ARAP1: variants seen among roughly 807,000 people sequenced by gnomAD.
The protein encoded by ARAP1 is ArfGAP with RhoGAP domain, ankyrin repeat and PH domain 1.
A neutral mutation model predicts 172.2 loss-of-function variants in ARAP1; 76 were observed. That is an observed-to-expected ratio of 0.44 (90% confidence interval 0.37 to 0.53). The LOEUF is 0.53. Ranked by LOEUF, ARAP1 falls within the 20% of genes least tolerant of loss-of-function variation. The pLI is 0.00. For missense variants in ARAP1, 1,686 were observed against 1,977.5 expected (o/e 0.85, Z 2.80); for synonymous variants, 804 against 803.3 (o/e 1.00, Z -0.01).
At chr11:72,712,969 G>A in intron 5 of ARAP1, 3 of 623,012 alleles carry the variant, frequency 4.8e-6, no homozygotes, top group East Asian at 2.8e-5. Context: ...GCCTGGGGGA[G>A]CCACACCAGA....
chr11:72,695,786 C>T lies in ARAP1; in HGVS notation c.3352G>A (p.Asp1118Asn), dbSNP rs1856162153. 6.2e-7 allele frequency: 1 copy of T among 1,614,212 alleles called. No individual in the cohort carries two copies. Among genetic ancestry groups the T allele is most frequent in the Non-Finnish European group, 8.5e-7 (1 of 1,180,030 alleles). ...IVFGPTLFQT[D>N]GQDYKAGRVV... ...CGGCCAGCCTTGTAGTCCTGCCCAT[C>T]TGTCTGGAAGAGCGTGGGCCCAAAC... The change falls in exon 24 of 35, where the codon GAT becomes AAT. Residue 1118 changes from aspartate to asparagine, a missense_variant. Transcript: ENST00000393609. This position sits in a 1 kb window ranked among gnomAD's most constrained non-coding sequence, Gnocchi z 4.4.
chr11:72,685,685 C>T lies in ARAP1; in HGVS notation c.4336-4G>A. On this transcript the variant is annotated splice_polypyrimidine_tract_variant and splice_region_variant and intron_variant, in intron 34 of 34. Coordinates refer to ENST00000393609, the MANE Select transcript of ARAP1 (RefSeq NM_001040118.3). Reference sequence around the variant, plus strand: ...GTGCTCAGACGTTGCGCAGAAGCTGCAGGAAGGCAAGAGACCCACAGGTAT... The same window carrying T: ...GTGCTCAGACGTTGCGCAGAAGCTGTAGGAAGGCAAGAGACCCACAGGTAT... The T allele has an allele frequency of 6.2e-7, 1 of 1,614,012 alleles. No homozygotes were observed. Among genetic ancestry groups the T allele is most frequent in the African/African-American group, 1.3e-5 (1 of 75,040 alleles).
In ARAP1 at chr11:72,698,039, T is replaced by C. The variant is rs536371268; in HGVS notation, c.2609A>G (p.Tyr870Cys). The C allele has an allele frequency of 2.5e-6, 4 of 1,608,620 alleles. No individual in the cohort carries two copies. The highest frequency in any genetic ancestry group is 1.3e-5 in the African/African-American group (1 of 74,968). Reference protein sequence around the residue: ...RDFERLGRLPYKAGLSLQRAQ... With the variant: ...RDFERLGRLPCKAGLSLQRAQ... ...CCGCTGTAGGCTCAGGCCAGCTTTG[T>C]AGGGTAGGCGTCCCAGCCGCTCAAA... The change falls in exon 19 of 35, where the codon TAC becomes TGC. Residue 870 changes from tyrosine (Y) to cysteine (C), a missense_variant. Physicochemically the swap from Tyr to Cys is radical, Grantham distance 194 (BLOSUM62 -2). Coordinates refer to ENST00000393609, the MANE Select transcript of ARAP1 (RefSeq NM_001040118.3).
chr11:72,701,857 C>A, intron 15 of ARAP1, 74 bp from the exon 16 acceptor site: 1 of 1,555,844 alleles, frequency 6.4e-7, no homozygotes, highest in Admixed American at 1.8e-5. Flanking sequence ...TCCCACCTGG[C>A]CTGGGCATTC....
chr11:72,721,709 A>G, intron 3 of ARAP1: 1 of 773,358 alleles, frequency 1.3e-6, no homozygotes, highest in Non-Finnish European at 1.6e-6. Context: ...ATAAGACAAA[A>G]CTCTAAGAGA....
Position 72,709,886 on chromosome 11 carries a change from G to C in ARAP1, c.1507C>G (p.Pro503Ala). The change falls in exon 11 of 35, where the codon CCC becomes GCC. Residue 503 changes from proline (P) to alanine (A), a missense_variant. Physicochemically the swap from Pro to Ala is conservative, Grantham distance 27 (BLOSUM62 -1). This residue lies in a region of ARAP1 where 688 missense variants were observed against 856.9 expected (regional missense o/e 0.80). Coordinates refer to ENST00000393609, the MANE Select transcript of ARAP1 (RefSeq NM_001040118.3). Reference sequence around the variant, plus strand: ...GAGGGTCACCTGAAGATGCGGTAGGGCGTGGTGAGGTCGAAGCTGCGCCGG... The same window carrying C: ...GAGGGTCACCTGAAGATGCGGTAGGCCGTGGTGAGGTCGAAGCTGCGCCGG... ...VDRRSFDLTT[P>A]YRIFSFSADS... is the part of the protein sequence containing the mutation. 6.2e-7 allele frequency: 1 copy of C among 1,614,168 alleles called. No individual in the cohort carries two copies. The highest frequency in any genetic ancestry group is 1.3e-5 in the African/African-American group (1 of 75,034).
rs567327592 is a variant in ARAP1 at position 72,701,654 on chromosome 11, C to T, written c.2297G>A (p.Arg766Gln). 28 of 1,612,712 alleles carry T rather than the reference C, an allele frequency of 1.7e-5. No homozygotes were observed. The East Asian group carries it at 2.7e-4, about 15-fold the overall frequency. The change falls in exon 16 of 35, where the codon CGG (arginine) becomes CAG (glutamine). Residue 766 changes from arginine (R) to glutamine (Q), a missense_variant. Physicochemically the swap from Arg to Gln is conservative, Grantham distance 43 (BLOSUM62 1). Coordinates refer to ENST00000393609, the MANE Select transcript of ARAP1 (RefSeq NM_001040118.3). ...AGKLLQDRRA[R>Q]EEFSRRWCVL... Reference sequence around the variant, plus strand: ...GAGTCTGGGGTGGCACCCACCTTCCCGGGCCCGGCGGTCCTGTAGCAGCTT... The same window carrying T: ...GAGTCTGGGGTGGCACCCACCTTCCTGGGCCCGGCGGTCCTGTAGCAGCTT...
rs79962126 is a variant in ARAP1, at chr11:72,709,887, C to T, written c.1506G>A (p.Thr502=). 1,893 of 1,614,066 alleles carry T rather than the reference C, an allele frequency of 1.2e-3. 48 individuals carry two copies. In the East Asian group the frequency reaches 0.031, roughly 26 times the overall value. The change falls in exon 11 of 35, where the codon ACG becomes ACA. Residue 502 remains threonine (T), a synonymous_variant. Transcript: ENST00000393609. ...EVDRRSFDLT[T]PYRIFSFSAD... ...AGGGTCACCTGAAGATGCGGTAGGGCGTGGTGAGGTCGAAGCTGCGCCGGT... is the reference window on the plus strand; with the variant it reads ...AGGGTCACCTGAAGATGCGGTAGGGTGTGGTGAGGTCGAAGCTGCGCCGGT...
chr11:72,695,229 T>A lies in ARAP1; in HGVS notation c.3577-132A>T. 2 of 1,329,314 alleles carry A rather than the reference T, an allele frequency of 1.5e-6. No individual in the cohort carries two copies. The highest frequency in any genetic ancestry group is 2.6e-5 in the South Asian group (2 of 78,352). The allele number at this position is 1,329,314 out of a possible 1,614,324, so 82.3% of individuals were successfully genotyped here. A position where few individuals can be genotyped will look rare whatever the true frequency, so the allele number is the denominator to read the frequency against. ...GAGTCCTGGGATAGAGAGGGGTATTTCTGAGTGGTCCTTAGGAGCAGACCC... is the reference window on the plus strand; with the variant it reads ...GAGTCCTGGGATAGAGAGGGGTATTACTGAGTGGTCCTTAGGAGCAGACCC... On this transcript the variant is annotated intron_variant, in intron 26 of 34. Transcript: ENST00000393609. The surrounding 1 kb of genome is among the most constrained non-coding windows in gnomAD (Gnocchi z 4.4).
intron 3 of ARAP1, among the ~76,000 whole-genome samples, chr11:72,718,202 C>A (rs1453482705): frequency 6.6e-6 from 1 of 152,098 alleles, no homozygotes; most frequent in Non-Finnish European, 1.5e-5. Flanking sequence ...CAGGACGGAG[C>A]CCAGGAAAGG....
At chr11:72,704,111 G>A (rs201906927) in intron 14 of ARAP1, 41 bp downstream of exon 14, 434 of 1,611,896 alleles carry the variant, frequency 2.7e-4, no homozygotes, top group Admixed American at 2.0e-4. Flanking sequence ...GCAGAAAGAC[G>A]GGGGTGGTCC....
chr11:72,697,678 C>T (rs1190200510), intron 19 of ARAP1, 29 bp from the exon 20 acceptor site: 3 of 1,613,318 alleles, frequency 1.9e-6, no homozygotes, highest in South Asian at 2.2e-5. Flanking sequence ...AGGTGAGGCC[C>T]AGGTCTTGCT....
Position 72,710,826 on chromosome 11 carries a change from T to TC in ARAP1, c.1213+194dup, listed in dbSNP as rs1856980606. ...CCGCTGATTGTGTGGTTCTGAGGAG[T>TC]CAGTGACCGTGCCAAGCACAGAGCC... On this transcript the variant is annotated intron_variant, in intron 9 of 34. Coordinates refer to ENST00000393609, the MANE Select transcript of ARAP1 (RefSeq NM_001040118.3). This position sits in a 1 kb window ranked among gnomAD's most constrained non-coding sequence, Gnocchi z 4.3. Among the ~76,000 whole-genome samples the TC allele has an allele frequency of 6.6e-6, 1 of 152,022 alleles. No homozygotes were observed. The highest frequency in any genetic ancestry group is 1.5e-5 in the Non-Finnish European group (1 of 67,992).
In ARAP1 at chr11:72,688,495, C is replaced by T. The variant is rs767179325; in HGVS notation, c.4030G>A (p.Val1344Ile). The part of the protein sequence containing the change: ...EKEWPIKSLK[V>I]YLGVKKKLRP... ...AGTTTCTTCTTCACTCCCAGGTAGA[C>T]TTTGAGACTCTTAATAGGCCACTCC... Residue 1344 changes from valine to isoleucine, a missense_variant, in exon 31 of 35, where the codon GTC becomes ATC. Around this residue, in one of 5 missense-constraint regions of ARAP1, gnomAD observed 379 missense variants for 500.1 expected, o/e 0.76. Coordinates refer to ENST00000393609, the MANE Select transcript of ARAP1 (RefSeq NM_001040118.3). The T allele has an allele frequency of 6.2e-7, 1 of 1,612,774 alleles. No homozygotes were observed. Among genetic ancestry groups the T allele is most frequent in the Non-Finnish European group, 8.5e-7 (1 of 1,179,470 alleles).
rs549232955 is a variant in ARAP1, at chr11:72,685,168, G to C, written c.*496C>G. On this transcript the variant is annotated 3_prime_UTR_variant, in exon 35 of 35. Coordinates refer to ENST00000393609, the MANE Select transcript of ARAP1 (RefSeq NM_001040118.3). ...ACCCCCCACTCAGCCCAGACTGGAA[G>C]GAAGGCTGAAGTCCCCAAAGCGCAG... is the stretch of plus-strand genomic sequence containing the variant. 1 of 161,846 alleles carries C rather than the reference G, an allele frequency of 6.2e-6. No homozygotes were observed. Among genetic ancestry groups the C allele is most frequent in the South Asian group, 1.7e-4 (1 of 5,786 alleles). 10.0% of individuals were successfully genotyped at this position (161,846 alleles called of 1,614,324 possible). A position where few individuals can be genotyped will look rare whatever the true frequency, so the allele number is the denominator to read the frequency against.
intron 1 of ARAP1, among the ~76,000 whole-genome samples, chr11:72,740,988 A>G (rs1301803437): frequency 6.6e-6 from 1 of 152,104 alleles, no homozygotes; most frequent in Non-Finnish European, 1.5e-5. Context: ...AACATACCTC[A>G]CTTGCAAATA....
At position 72,695,819 on chromosome 11, in the gene ARAP1, C is replaced by A; in HGVS notation, c.3319G>T (p.Ala1107Ser). 1 of 1,614,010 alleles carries A rather than the reference C, an allele frequency of 6.2e-7. No homozygotes were observed. Among genetic ancestry groups the A allele is most frequent in the Middle Eastern group, 1.7e-4 (1 of 6,060 alleles). Reference sequence around the variant, plus strand: ...AAGAGCGTGGGCCCAAACACAATTGCCAGGTTGTGCACGTTCATCTGGTTC... The same window carrying A: ...AAGAGCGTGGGCCCAAACACAATTGACAGGTTGTGCACGTTCATCTGGTTC... ...DTNQMNVHNL[A>S]IVFGPTLFQT... Residue 1107 changes from alanine to serine, a missense_variant, in exon 24 of 35, where the codon GCA (alanine) becomes TCA (serine). This residue lies in a region of ARAP1 where 379 missense variants were observed against 500.1 expected (regional missense o/e 0.76). Transcript: ENST00000393609. The surrounding 1 kb of genome is among the most constrained non-coding windows in gnomAD (Gnocchi z 4.4).
intron 14 of ARAP1, among the ~76,000 whole-genome samples, chr11:72,703,562 AG>A (rs543248398): frequency 1.4e-3 from 207 of 152,158 alleles, no homozygotes; most frequent in African/African-American, 4.7e-3. Flanking sequence ...TGGGAGGTGG[AG>A]GCCTGACTCC....
intron 1 of ARAP1, among the ~76,000 whole-genome samples, chr11:72,742,508 A>G (rs756148920): frequency 1.7e-4 from 26 of 152,112 alleles, no homozygotes; most frequent in Non-Finnish European, 3.2e-4. Flanking sequence ...GAAGACAGGT[A>G]AGGCCCAGGG....
Sources: allele counts gnomAD v4.1 joint callset (sites outside exome capture counted in the v4.1 genomes callset), GRCh38; gene constraint gnomAD v4.1.1; regional missense constraint gnomAD v4.1.1; non-coding constraint Gnocchi (gnomAD v3.1); transcripts MANE v1.5; gene names NCBI Gene and HGNC (gene_info 2026-07-23, HGNC 2026-07-21).